The following ZC3H12C variants were observed in gnomAD, a reference collection of about 807,000 sequenced individuals.
The protein encoded by ZC3H12C is probable ribonuclease ZC3H12C.
ZC3H12C carries 20 observed loss-of-function variants against 76.3 expected under a neutral mutation model. The ratio of observed to expected loss-of-function variants is 0.26; its 90% confidence interval spans 0.18 to 0.38. The LOEUF (loss-of-function observed/expected upper bound fraction) is 0.38. ZC3H12C is among the 10% of genes least tolerant of loss of function. The probability of loss-of-function intolerance (pLI) is 1.00; values close to 1 mark genes in which losing one functional copy is unlikely to be tolerated. For synonymous variants in ZC3H12C, 352 were observed against 399.6 expected (o/e 0.88, Z 1.42); for missense variants, 874 against 1,086.5 (o/e 0.80, Z 2.75).
chr11:110,150,456 T>C (rs936636173), intron 2 of ZC3H12C, among the ~76,000 whole-genome samples: 2 of 152,166 alleles, frequency 1.3e-5, no homozygotes, highest in Non-Finnish European at 2.9e-5. Flanking sequence ...TGTAAATTGG[T>C]TTTGCTGCTA....
At chr11:110,128,194 G>A (rs536645392) in intron 1 of ZC3H12C, among the ~76,000 whole-genome samples, 51 of 151,714 alleles carry the variant, frequency 3.4e-4, no homozygotes, top group African/African-American at 1.2e-3. Context: ...ACAGAGCCCA[G>A]TCCAGCTGTT....
intron 1 of ZC3H12C, among the ~76,000 whole-genome samples, chr11:110,105,475 G>A (rs1389415123): frequency 1.3e-5 from 2 of 152,118 alleles, no homozygotes; most frequent in Non-Finnish European, 2.9e-5. Flanking sequence ...AATGGGGGAA[G>A]TGTTTTCTAA....
chr11:110,144,228 G>C (rs1166913218), intron 2 of ZC3H12C, among the ~76,000 whole-genome samples: 1 of 152,100 alleles, frequency 6.6e-6, no homozygotes, highest in Non-Finnish European at 1.5e-5. Context: ...GTTTCATTTT[G>C]ATTCCAAAAC....
intron 2 of ZC3H12C, among the ~76,000 whole-genome samples, chr11:110,146,854 A>G (rs1235506850): frequency 6.6e-6 from 1 of 152,158 alleles, no homozygotes; most frequent in Non-Finnish European, 1.5e-5. Context: ...TCCCAGTAGC[A>G]AGGCTGCCAT....
In ZC3H12C at chr11:110,145,873, G is replaced by A. The variant is rs934459638; in HGVS notation, c.774-7046G>A. Among the ~76,000 whole-genome samples the A allele has an allele frequency of 3.9e-4, 60 of 152,332 alleles. 1 individual carries two copies. The highest frequency in any genetic ancestry group is 1.4e-3 in the African/African-American group (60 of 41,576). ...CTTCACAACAAATTAACAGCAGTAA[G>A]AAACAAGAGAGAGGCATGTTCTTCG... is the stretch of plus-strand genomic sequence containing the variant. On this transcript the variant is annotated intron_variant, in intron 2 of 5. Transcript: ENST00000278590.
chr11:110,160,389 ACTT>A (rs1407799179), intron 4 of ZC3H12C, among the ~76,000 whole-genome samples: 24 of 133,526 alleles, frequency 1.8e-4, no homozygotes, highest in Non-Finnish European at 2.6e-4. Context: ...TAATATATAA[ACTT>A]CTTAGTTTTT....
chr11:110,121,569 TCTCA>T (rs1030775869), intron 1 of ZC3H12C, among the ~76,000 whole-genome samples: 2 of 150,202 alleles, frequency 1.3e-5, no homozygotes, highest in African/African-American at 4.9e-5. Flanking sequence ...TTTGTGCTAA[TCTCA>T]CTGAGTGTTT....
chr11:110,165,383 G>T lies in ZC3H12C; in HGVS notation c.2298G>T (p.Lys766Asn). 1.9e-6 allele frequency: 3 copies of T among 1,614,022 alleles called. No homozygotes were observed. Among genetic ancestry groups the T allele is most frequent in the Non-Finnish European group, 2.5e-6 (3 of 1,179,894 alleles). ...ACAGTTCTCCTTCACGACAAAGAAA[G>T]CCTTATTCCCGCCAGGAAGGCCTGG... ...LYDSSPSRQR[K>N]PYSRQEGLGS... Residue 766 changes from lysine (K) to asparagine (N), a missense_variant, in exon 6 of 6, where the codon AAG (lysine) becomes AAT (asparagine). Coordinates refer to ENST00000278590, the MANE Select transcript of ZC3H12C (RefSeq NM_033390.2).
At chr11:110,101,616 CA>C (rs1466895698) in intron 1 of ZC3H12C, among the ~76,000 whole-genome samples, 2 of 150,842 alleles carry the variant, frequency 1.3e-5, no homozygotes, top group Non-Finnish European at 2.9e-5. Context: ...GGTGCGATCT[CA>C]GCTCACTGCA....
In ZC3H12C at chr11:110,169,230, T is replaced by C. The variant is rs1862632167; in HGVS notation, c.*3493T>C. The C allele has an allele frequency of 6.6e-6, 1 of 152,122 alleles. No individual in the cohort carries two copies. Among genetic ancestry groups the C allele is most frequent in the Admixed American group, 6.6e-5 (1 of 15,262 alleles). The allele number at this position is 152,122 out of a possible 1,614,324, so 9.4% of individuals were successfully genotyped here. On this transcript the variant is annotated 3_prime_UTR_variant, in exon 6 of 6. Coordinates refer to ENST00000278590, the MANE Select transcript of ZC3H12C (RefSeq NM_033390.2). ...TGATTATACAAATAATTATTTAACA[T>C]GTCTTATGGATGTATCTATATGTAT...
chr11:110,100,454 C>T (rs1225083278), intron 1 of ZC3H12C, among the ~76,000 whole-genome samples: 2 of 152,026 alleles, frequency 1.3e-5, no homozygotes, highest in African/African-American at 2.4e-5. Flanking sequence ...CTTTTTGGTT[C>T]TTTTTTTGTT....
At chr11:110,133,180 G>A (rs923256649) in intron 1 of ZC3H12C, among the ~76,000 whole-genome samples, 2 of 152,126 alleles carry the variant, frequency 1.3e-5, no homozygotes, top group African/African-American at 4.8e-5. Context: ...GCAATCGTTT[G>A]CTAATTACAA....
chr11:110,096,885 C>A (rs759321491), intron 1 of ZC3H12C, among the ~76,000 whole-genome samples: 1 of 152,160 alleles, frequency 6.6e-6, no homozygotes, highest in Non-Finnish European at 1.5e-5. Context: ...TCAAAAGACT[C>A]CAGTTTCAGT....
intron 1 of ZC3H12C, among the ~76,000 whole-genome samples, chr11:110,121,399 A>G (rs1365432112): frequency 6.6e-6 from 1 of 152,254 alleles, no homozygotes; most frequent in East Asian, 1.9e-4. Context: ...GCAGCTGTTC[A>G]GGATGATTCA....
At chr11:110,129,568 C>A (rs988434964) in intron 1 of ZC3H12C, among the ~76,000 whole-genome samples, 6 of 152,026 alleles carry the variant, frequency 3.9e-5, no homozygotes, top group African/African-American at 1.4e-4. Context: ...GTTTTGGGTA[C>A]TTTTTATATC....
At chr11:110,146,111 T>C (rs901603914) in intron 2 of ZC3H12C, among the ~76,000 whole-genome samples, 4 of 152,058 alleles carry the variant, frequency 2.6e-5, no homozygotes, top group Admixed American at 2.6e-4. Context: ...CTCAGCCTCC[T>C]GAGTAGCTGG....
chr11:110,122,547 T>A (rs528095604), intron 1 of ZC3H12C, among the ~76,000 whole-genome samples: 12 of 152,160 alleles, frequency 7.9e-5, no homozygotes, highest in Admixed American at 7.9e-4. Flanking sequence ...TGGTCCCCAA[T>A]TGATGGTTGT....
Position 110,164,575 on chromosome 11 carries a change from C to T in ZC3H12C, c.1490C>T (p.Thr497Ile). Residue 497 changes from threonine (T) to isoleucine (I), a missense_variant, in exon 6 of 6, where the codon ACA (threonine) becomes ATA (isoleucine). Around this residue, in one of 3 missense-constraint regions of ZC3H12C, gnomAD observed 269 missense variants for 424.9 expected, o/e 0.63. Coordinates refer to ENST00000278590, the MANE Select transcript of ZC3H12C (RefSeq NM_033390.2). This position sits in a 1 kb window ranked among gnomAD's most constrained non-coding sequence, Gnocchi z 5.7. ...AGGCAATCAGATCCAAGCATAAGGA[C>T]ACAAGTCTACCAAGACCTAGAAGAA... ...PKRQSDPSIR[T>I]QVYQDLEEKL... 1.2e-6 allele frequency: 2 copies of T among 1,613,984 alleles called. No individual in the cohort carries two copies. The highest frequency in any genetic ancestry group is 1.1e-5 in the South Asian group (1 of 91,080).
intron 2 of ZC3H12C, among the ~76,000 whole-genome samples, chr11:110,148,344 AT>A (rs1862207923): frequency 6.6e-6 from 1 of 152,176 alleles, no homozygotes; most frequent in Non-Finnish European, 1.5e-5. Flanking sequence ...GAAGCCTTTT[AT>A]TTTTAAAAGA....
Sources: gnomAD v4.1 joint callset for allele counts (sites outside exome capture counted in the v4.1 genomes callset) on GRCh38, gnomAD v4.1.1 for gene constraint, gnomAD v4.1.1 regional missense constraint, Gnocchi (gnomAD v3.1) non-coding constraint, MANE v1.5 for transcripts, NCBI Gene and HGNC (gene_info 2026-07-23, HGNC 2026-07-21) for gene names.